ADGRV1: variants seen among roughly 807,000 people sequenced by gnomAD.
The protein encoded by ADGRV1 is adhesion G protein-coupled receptor V1, also known as G-protein coupled receptor 98.
ADGRV1 carries 359 observed loss-of-function variants against 596.2 expected under a neutral mutation model. The observed-to-expected ratio is 0.60, with a 90% CI of 0.55 to 0.66. The LOEUF (loss-of-function observed/expected upper bound fraction) is 0.66. Among genes scored for constraint, ADGRV1 ranks in the 30% least tolerant of loss-of-function variants. The pLI is 0.00. For missense variants in ADGRV1, 7,274 were observed against 7,575.6 expected, an observed-to-expected ratio of 0.96 and a Z score of 1.48; for synonymous variants, 2,681 against 2,679.2, an observed-to-expected ratio of 1.00 and a Z score of -0.02.
intron 83 of ADGRV1, among the ~76,000 whole-genome samples, chr5:90,870,549 C>G (rs1459674810): frequency 6.6e-6 from 1 of 152,110 alleles, no homozygotes; most frequent in African/African-American, 2.4e-5. Flanking sequence ...GAGATTAGTC[C>G]TCAAATTTGG....
At chr5:91,097,746 G>T (rs191017962) in intron 86 of ADGRV1, among the ~76,000 whole-genome samples, 1,799 of 150,442 alleles carry the variant, frequency 0.012, 31 homozygotes, top group African/African-American at 0.043. Context: ...ACTATTTCTT[G>T]TTTTTTTGAT....
chr5:91,131,426 T>G (rs1402153541), intron 87 of ADGRV1, among the ~76,000 whole-genome samples: 1 of 151,772 alleles, frequency 6.6e-6, no homozygotes, highest in Non-Finnish European at 1.5e-5. Flanking sequence ...GTTTGGGTTT[T>G]TTTTTTTTTT....
At chr5:91,150,862 A>G (rs1329973024) in intron 88 of ADGRV1, among the ~76,000 whole-genome samples, 1 of 152,136 alleles carries the variant, frequency 6.6e-6, no homozygotes, top group Non-Finnish European at 1.5e-5. Context: ...TGTGAATCCC[A>G]TTGCCACCAG....
intron 50 of ADGRV1, among the ~76,000 whole-genome samples, chr5:90,731,019 A>G (rs1752478873): frequency 6.6e-6 from 1 of 152,230 alleles, no homozygotes; most frequent in African/African-American, 2.4e-5. Flanking sequence ...GTATGGTTGG[A>G]GAAGCAAGAA....
At chr5:90,806,752 G>A (rs1761936685) in intron 72 of ADGRV1, among the ~76,000 whole-genome samples, 2 of 152,070 alleles carry the variant, frequency 1.3e-5, no homozygotes, top group South Asian at 4.1e-4. Flanking sequence ...CTTCAAACAG[G>A]TTCATTTAGT....
chr5:90,631,633 C>T (rs1765515213), intron 9 of ADGRV1, among the ~76,000 whole-genome samples: 1 of 152,126 alleles, frequency 6.6e-6, no homozygotes, highest in Admixed American at 6.5e-5. Context: ...AACTTACTCT[C>T]TGGAGGACCC....
intron 4 of ADGRV1, 45 bp downstream of exon 4, chr5:90,619,226 T>G (rs761236403): frequency 9.7e-5 from 84 of 863,074 alleles, no homozygotes; most frequent in Non-Finnish European, 1.4e-4. Context: ...AGATAATAGT[T>G]TATTAAATTT....
chr5:91,045,670 C>A (rs1298519038), intron 85 of ADGRV1, among the ~76,000 whole-genome samples: 1 of 152,024 alleles, frequency 6.6e-6, no homozygotes, highest in African/African-American at 2.4e-5. Context: ...GAAGTCCTAG[C>A]CAGAGCAATC....
At chr5:90,972,173 C>T (rs10071827) in intron 84 of ADGRV1, among the ~76,000 whole-genome samples, 16,610 of 152,154 alleles carry the variant, frequency 0.11, 931 homozygotes, top group Middle Eastern at 0.18. Context: ...ATATATGCAC[C>T]GAATACAGGA....
chr5:90,705,324 C>T (rs367841012), intron 36 of ADGRV1, 76 bp from the exon 37 acceptor site: 1 of 1,219,204 alleles, frequency 8.2e-7, no homozygotes, highest in Non-Finnish European at 1.2e-6. Flanking sequence ...CTTAATGTTT[C>T]AGAGAGTGAG....
intron 83 of ADGRV1, among the ~76,000 whole-genome samples, chr5:90,923,094 T>C (rs942473146): frequency 6.6e-6 from 1 of 152,230 alleles, no homozygotes; most frequent in East Asian, 1.9e-4. Context: ...CTATGAGAAA[T>C]AGAAGCATTT....
At chr5:90,969,549 T>A (rs144850190) in intron 84 of ADGRV1, among the ~76,000 whole-genome samples, 1 of 152,338 alleles carries the variant, frequency 6.6e-6, no homozygotes, top group East Asian at 1.9e-4. Flanking sequence ...GGCTTCCCTT[T>A]TCTTTGACAG....
At chr5:90,943,741 C>T (rs1776350873) in intron 83 of ADGRV1, among the ~76,000 whole-genome samples, 1 of 152,158 alleles carries the variant, frequency 6.6e-6, no homozygotes, top group Non-Finnish European at 1.5e-5. Flanking sequence ...TGGCTTGCAG[C>T]TGCAACATTC....
Position 90,725,132 on chromosome 5 carries a change from GT to G in ADGRV1, c.9958del (p.Ser3320LeufsTer5). 2 of 1,542,344 alleles carry G rather than the reference GT, an allele frequency of 1.3e-6. No homozygotes were observed. Among genetic ancestry groups the G allele is most frequent in the Admixed American group, 2.0e-5 (1 of 49,210 alleles). On this transcript the variant is annotated frameshift_variant, in exon 47 of 90. Coordinates refer to ENST00000405460, the MANE Select transcript of ADGRV1 (RefSeq NM_032119.4). LOFTEE classifies it high-confidence loss of function. ...NPKTCEAFNI[G>X]FSPYFVITHE... ...AAAACTTGTGAGGCCTTTAATATTG[GT>G]TTTTCTCCCTACTTTGTGATTACTC... is the stretch of plus-strand genomic sequence containing the variant.
intron 79 of ADGRV1, among the ~76,000 whole-genome samples, chr5:90,851,168 A>AGAGAGAGAGAGAGAGAGAG (rs1469870808): frequency 5.9e-5 from 8 of 135,436 alleles, no homozygotes; most frequent in Admixed American, 3.6e-4. Context: ...AGAGAGAGAG[A>AGAGAGAGAGAGAGAGAGAG]ATGAATCTGA....
rs5869522 is a variant in ADGRV1 at position 90,813,132 on chromosome 5, C to CAAAAAAAAAAAAAAAAA, written c.16078+1810_16078+1826dup. ...TGGGCGACAGAGTAAGACTCCGTCTCAAAAAAAAAAAAAAAAAAAAAAAAA... is the reference window on the plus strand; with the variant it reads ...TGGGCGACAGAGTAAGACTCCGTCTCAAAAAAAAAAAAAAAAAAAAAAAAAAAAAAAAAAAAAAAAAA... On this transcript the variant is annotated intron_variant, in intron 74 of 89. Coordinates refer to ENST00000405460, the MANE Select transcript of ADGRV1 (RefSeq NM_032119.4). Among the ~76,000 whole-genome samples the CAAAAAAAAAAAAAAAAA allele has an allele frequency of 1.7e-3, 59 of 34,922 alleles. 8 individuals carry two copies. Among genetic ancestry groups the CAAAAAAAAAAAAAAAAA allele is most frequent in the East Asian group, 4.3e-3 (3 of 690 alleles). The allele number at this position is 34,922 out of a possible 152,430, so 22.9% of individuals were successfully genotyped here.
chr5:90,790,225 TG>T (rs1267322428), intron 69 of ADGRV1, among the ~76,000 whole-genome samples: 1 of 152,236 alleles, frequency 6.6e-6, no homozygotes, highest in Non-Finnish European at 1.5e-5. Context: ...ATTTAGCAAC[TG>T]TTTTTTAAGA....
In ADGRV1 at chr5:90,635,298, G is replaced by T. The variant is rs763548303; in HGVS notation, c.2016+8G>T. On this transcript the variant is annotated splice_region_variant and intron_variant, in intron 10 of 89. Coordinates refer to ENST00000405460, the MANE Select transcript of ADGRV1 (RefSeq NM_032119.4). ...GATTTTGCTGCTGAAGTGGTAAGTA[G>T]GCTCTTTCTTACTGATGGGGGCTAA... 1.9e-6 allele frequency: 3 copies of T among 1,602,620 alleles called. No individual in the cohort carries two copies. In the East Asian group the frequency reaches 6.7e-5, roughly 36 times the overall value.
chr5:90,675,052 A>G (rs1323905554), intron 23 of ADGRV1, among the ~76,000 whole-genome samples, 191 bp from the exon 24 acceptor site: 3 of 152,218 alleles, frequency 2.0e-5, no homozygotes, highest in Non-Finnish European at 2.9e-5. Context: ...AACTTTCATT[A>G]TTCTGAAAGC....
Sources: allele counts gnomAD v4.1 joint callset (sites outside exome capture counted in the v4.1 genomes callset), GRCh38; gene constraint gnomAD v4.1.1; transcripts MANE v1.5; gene names NCBI Gene and HGNC (gene_info 2026-07-23, HGNC 2026-07-21).